USP25: variants seen among roughly 807,000 people sequenced by gnomAD.
The protein encoded by USP25 is ubiquitin specific peptidase 25, also known as ubiquitin carboxyl-terminal hydrolase 25.
USP25 carries 85 observed loss-of-function variants against 158.5 expected under a neutral mutation model. The ratio of observed to expected loss-of-function variants is 0.54; its 90% CI spans 0.45 to 0.64. The LOEUF (loss-of-function observed/expected upper bound fraction) is 0.64. USP25 is among the 30% of genes least tolerant of loss of function. The pLI, the probability that USP25 is intolerant of heterozygous loss-of-function variation, is 0.00. For missense variants in USP25, 1,242 were observed against 1,327.3 expected, an observed-to-expected ratio of 0.94 and a Z score of 1.00; for synonymous variants, 464 against 460.4, an observed-to-expected ratio of 1.01 and a Z score of -0.10.
chr21:15,731,162 T>C (rs569332484), intron 1 of USP25, among the ~76,000 whole-genome samples: 1 of 151,762 alleles, frequency 6.6e-6, no homozygotes, highest in Non-Finnish European at 1.5e-5. Context: ...TAAAAAACTG[T>C]TTGTGAAACT....
chr21:15,818,673 T>C (rs1320706938), intron 9 of USP25, 25 bp from the exon 10 acceptor site: 1 of 1,592,120 alleles, frequency 6.3e-7, no homozygotes, highest in Non-Finnish European at 8.6e-7. Flanking sequence ...ATATTGAGTA[T>C]TATTAATTTT....
At chr21:15,846,131 TATATATATATATATATATATATATATA>T (rs2038580084) in intron 18 of USP25, among the ~76,000 whole-genome samples, 1 of 40,836 alleles carries the variant, frequency 2.4e-5, no homozygotes. Flanking sequence ...TGTATATATA[TATATATATATATATATATATATATATA>T]TTTTTTTTTT....
Position 15,771,720 on chromosome 21 carries a change from C to T in USP25, c.268+5579C>T, listed in dbSNP as rs376362126. 7.3e-5 allele frequency among the ~76,000 whole-genome samples: 11 copies of T among 151,654 alleles called. No homozygotes were observed. In the South Asian group the frequency reaches 1.7e-3, roughly 23 times the overall value. On this transcript the variant is annotated intron_variant, in intron 3 of 25. Transcript: ENST00000400183. The stretch of plus-strand genomic sequence containing the variant: ...TTTAATAGCTCTTCTGTCAATCTCC[C>T]AAAACAACCATTTGGTTTGCAGATC...
In USP25 at chr21:15,874,254, T is replaced by TCAAGC. The variant is rs1284565335; in HGVS notation, c.2886-148_2886-144dup. ...TGTTGCTGTTGCTAAAAAGGCGCTC[T>TCAAGC]CAAGCATACACTGCGTCAGATGATA... On this transcript the variant is annotated intron_variant, in intron 23 of 25. Coordinates refer to ENST00000400183, the MANE Select transcript of USP25 (RefSeq NM_001283041.3). 3 of 594,388 alleles carry TCAAGC rather than the reference T, an allele frequency of 5.0e-6. No individual in the cohort carries two copies. The East Asian group carries it at 1.2e-4, about 24-fold the overall frequency. 36.8% of individuals were successfully genotyped at this position (594,388 alleles called of 1,614,324 possible).
chr21:15,732,446 G>T (rs1421625444), intron 1 of USP25, among the ~76,000 whole-genome samples: 2 of 152,122 alleles, frequency 1.3e-5, no homozygotes, highest in Non-Finnish European at 2.9e-5. Flanking sequence ...ATTTAAATCC[G>T]TCAAGCTAGT....
At position 15,864,366 on chromosome 21, in the gene USP25, C is replaced by A; in HGVS notation, c.2646C>A (p.Ile882=). ...YRLHHVVVYF[I]QNQAPKKIIE... ...TACATCATGTAGTGGTCTACTTTAT[C>A]CAGAACCAGGCACCAAAGAAAATTA... Residue 882 remains isoleucine, a synonymous_variant, in exon 21 of 26, where the codon ATC becomes ATA. Coordinates refer to ENST00000400183, the MANE Select transcript of USP25 (RefSeq NM_001283041.3). 6.2e-7 allele frequency: 1 copy of A among 1,613,174 alleles called. No individual in the cohort carries two copies. Among genetic ancestry groups the A allele is most frequent in the East Asian group, 2.2e-5 (1 of 44,774 alleles).
chr21:15,803,976 T>C (rs1426955144), intron 6 of USP25, among the ~76,000 whole-genome samples: 1 of 152,062 alleles, frequency 6.6e-6, no homozygotes. Context: ...GCCAACTGTG[T>C]AAATTTGGAA....
intron 18 of USP25, among the ~76,000 whole-genome samples, chr21:15,844,543 A>G (rs1044902772): frequency 1.3e-5 from 2 of 152,164 alleles, no homozygotes; most frequent in African/African-American, 2.4e-5. Context: ...CAAATATGCA[A>G]TATATTAAAA....
intron 17 of USP25, among the ~76,000 whole-genome samples, chr21:15,838,051 T>C (rs1277033104): frequency 6.6e-6 from 1 of 151,912 alleles, no homozygotes; most frequent in African/African-American, 2.4e-5. Context: ...CTCAGCCTCC[T>C]GAGTAGCTGA....
intron 22 of USP25, among the ~76,000 whole-genome samples, chr21:15,869,685 A>G (rs757917441): frequency 7.9e-5 from 12 of 152,196 alleles, no homozygotes; most frequent in Non-Finnish European, 1.6e-4. Flanking sequence ...GCTTTGATTC[A>G]TACTCAGCGT....
intron 22 of USP25, among the ~76,000 whole-genome samples, chr21:15,867,398 T>C (rs150137313): frequency 6.6e-6 from 1 of 152,214 alleles, no homozygotes; most frequent in African/African-American, 2.4e-5. Flanking sequence ...GATGAAAACC[T>C]TAGCTAGTTT....
intron 9 of USP25, among the ~76,000 whole-genome samples, chr21:15,813,426 A>G (rs575682483): frequency 4.6e-5 from 7 of 152,310 alleles, no homozygotes; most frequent in Non-Finnish European, 1.0e-4. Flanking sequence ...ACATTCCCAA[A>G]TATATGAGCC....
intron 1 of USP25, among the ~76,000 whole-genome samples, chr21:15,742,803 C>T (rs965778901): frequency 2.0e-5 from 3 of 152,234 alleles, no homozygotes; most frequent in Non-Finnish European, 2.9e-5. Flanking sequence ...TCACTGGGCT[C>T]GCTCTGCCTG....
rs1450480670 is a variant in USP25 at position 15,730,044 on chromosome 21, A to C, written c.-350A>C. The C allele has an allele frequency of 6.6e-6, 1 of 151,750 alleles. No homozygotes were observed. The highest frequency in any genetic ancestry group is 1.5e-5 in the Non-Finnish European group (1 of 67,992). The allele number at this position is 151,750 out of a possible 1,614,324, so 9.4% of individuals were successfully genotyped here. A position where few individuals can be genotyped will look rare whatever the true frequency, so the allele number is the denominator to read the frequency against. On this transcript the variant is annotated 5_prime_UTR_variant, in exon 1 of 26. Coordinates refer to ENST00000400183, the MANE Select transcript of USP25 (RefSeq NM_001283041.3). Reference sequence around the variant, plus strand: ...TCCCCAAAGCAGCCCGCGGACCGGCAGCAAAGGAACGTGCGAACGCGTGAC... The same window carrying C: ...TCCCCAAAGCAGCCCGCGGACCGGCCGCAAAGGAACGTGCGAACGCGTGAC...
chr21:15,850,083 AT>A (rs953071428), intron 20 of USP25, among the ~76,000 whole-genome samples: 2 of 152,044 alleles, frequency 1.3e-5, no homozygotes, highest in Non-Finnish European at 2.9e-5. Context: ...CAAGAAAAAA[AT>A]CTTTTTATTT....
intron 11 of USP25, among the ~76,000 whole-genome samples, chr21:15,824,500 ATCTATCTTTCTG>A (rs370510575): frequency 3.0e-4 from 45 of 151,068 alleles, no homozygotes; most frequent in African/African-American, 1.1e-3. Context: ...TATTGTATCT[ATCTATCTTTCTG>A]TCTTTCTTTC....
chr21:15,730,655 C>T (rs914207583), intron 1 of USP25, among the ~76,000 whole-genome samples: 1 of 152,240 alleles, frequency 6.6e-6, no homozygotes, highest in Non-Finnish European at 1.5e-5. Flanking sequence ...CCACTTCCTT[C>T]TGCCGATTGT....
In USP25 at chr21:15,781,642, A is replaced by G. The variant is rs73892535; in HGVS notation, c.392+3615A>G. On this transcript the variant is annotated intron_variant, in intron 4 of 25. Coordinates refer to ENST00000400183, the MANE Select transcript of USP25 (RefSeq NM_001283041.3). Reference sequence around the variant, plus strand: ...AGCATAGAGTCAAGAATAGCTCCACAGGGAGGAGACCAAAGTATCCTGCCT... The same window carrying G: ...AGCATAGAGTCAAGAATAGCTCCACGGGGAGGAGACCAAAGTATCCTGCCT... 9.0e-3 allele frequency among the ~76,000 whole-genome samples: 1,363 copies of G among 152,284 alleles called. 19 individuals are homozygous for G. The highest frequency in any genetic ancestry group is 0.03 in the African/African-American group (1,262 of 41,550).
At chr21:15,867,338 A>T (rs1235426293) in intron 22 of USP25, among the ~76,000 whole-genome samples, 1 of 152,064 alleles carries the variant, frequency 6.6e-6, no homozygotes, top group Non-Finnish European at 1.5e-5. Flanking sequence ...AATTAGTGTA[A>T]TTCACTACAC....
Sources: gnomAD v4.1 joint callset for allele counts (sites outside exome capture counted in the v4.1 genomes callset) on GRCh38, gnomAD v4.1.1 for gene constraint, MANE v1.5 for transcripts, NCBI Gene and HGNC (gene_info 2026-07-23, HGNC 2026-07-21) for gene names.